LRRTM4: variants seen among roughly 807,000 people sequenced by gnomAD.
LRRTM4 encodes the protein leucine rich repeat transmembrane neuronal 4, also known as leucine-rich repeat transmembrane neuronal protein 4.
A neutral mutation model predicts 47.6 loss-of-function variants in LRRTM4; 25 were observed. That is an observed-to-expected ratio of 0.53 (90% CI 0.38 to 0.73). The LOEUF is 0.73. Ranked by LOEUF, LRRTM4 falls within the 30% of genes least tolerant of loss-of-function variation. LRRTM4 has a pLI of 0.00. For missense variants in LRRTM4, 638 were observed against 713.4 expected (o/e 0.89, Z 1.20); for synonymous variants, 311 against 269.5 (o/e 1.15, Z -1.51).
chr2:77,307,466 A>G (rs529702532), intron 3 of LRRTM4, among the ~76,000 whole-genome samples: 4 of 148,520 alleles, frequency 2.7e-5, no homozygotes, highest in East Asian at 2.0e-4. Context: ...TAATAATTCA[A>G]TGTTTATATA....
At chr2:77,394,264 G>T (rs1262389010) in intron 3 of LRRTM4, among the ~76,000 whole-genome samples, 4 of 151,876 alleles carry the variant, frequency 2.6e-5, no homozygotes, top group African/African-American at 9.7e-5. Flanking sequence ...CTTCCACTCA[G>T]GTTTTAATGC....
chr2:76,751,521 A>G (rs145162790), intron 3 of LRRTM4, among the ~76,000 whole-genome samples: 1 of 152,290 alleles, frequency 6.6e-6, no homozygotes, highest in East Asian at 1.9e-4. Context: ...AGAGAGAGCT[A>G]GGAACAGACT....
chr2:77,091,879 C>A (rs1374847832), intron 3 of LRRTM4, among the ~76,000 whole-genome samples: 1 of 141,702 alleles, frequency 7.1e-6, no homozygotes, highest in African/African-American at 2.9e-5. Context: ...AACCCAAGCA[C>A]CTTCTACAAA....
At chr2:77,477,512 TA>T (rs1677450190) in intron 3 of LRRTM4, among the ~76,000 whole-genome samples, 1 of 152,130 alleles carries the variant, frequency 6.6e-6, no homozygotes, top group Admixed American at 6.5e-5. Flanking sequence ...GTCATTGCTA[TA>T]TACTATTTGA....
intron 3 of LRRTM4, among the ~76,000 whole-genome samples, chr2:77,123,332 T>C (rs12233119): frequency 0.086 from 13,117 of 152,022 alleles, 1,323 homozygotes; most frequent in African/African-American, 0.23. Flanking sequence ...CCTATTGAAC[T>C]CCATTTAATT....
chr2:77,220,073 G>A (rs1330376256), intron 3 of LRRTM4, among the ~76,000 whole-genome samples: 2 of 152,126 alleles, frequency 1.3e-5, no homozygotes, highest in Admixed American at 6.5e-5. Flanking sequence ...TGCAACCACC[G>A]CTGCTGATAC....
chr2:77,469,853 T>A (rs1677118475), intron 3 of LRRTM4, among the ~76,000 whole-genome samples: 1 of 152,202 alleles, frequency 6.6e-6, no homozygotes, highest in African/African-American at 2.4e-5. Flanking sequence ...ATGACATTTT[T>A]ATACAGATCC....
At chr2:77,218,726 G>A (rs529120078) in intron 3 of LRRTM4, among the ~76,000 whole-genome samples, 1 of 152,230 alleles carries the variant, frequency 6.6e-6, no homozygotes, top group African/African-American at 2.4e-5. Flanking sequence ...ATCTAATGCT[G>A]CATATCCAGC....
chr2:77,361,303 ACT>A lies in LRRTM4; in HGVS notation c.1551+157013_1551+157014del, dbSNP rs144544233. ...TTTTGCCACTGGTAAAAGAAAACAA[ACT>A]CTGTGCATTATTCCATTCTTCCTTC... On this transcript the variant is annotated intron_variant, in intron 3 of 3. Transcript: ENST00000409884. Among the ~76,000 whole-genome samples, 394 of 151,798 alleles carry A rather than the reference ACT, an allele frequency of 2.6e-3. 2 individuals are homozygous for A. The highest frequency in any genetic ancestry group is 8.3e-3 in the African/African-American group (342 of 41,376).
chr2:76,989,151 CTCAATTGTTTT>C (rs1367204790), intron 3 of LRRTM4, among the ~76,000 whole-genome samples: 1 of 151,654 alleles, frequency 6.6e-6, no homozygotes, highest in Non-Finnish European at 1.5e-5. Flanking sequence ...TCCATTATTT[CTCAATTGTTTT>C]TCAATTGTTG....
chr2:77,357,993 T>C lies in LRRTM4; in HGVS notation c.1551+160325A>G, dbSNP rs114385252. Among the ~76,000 whole-genome samples, 280 of 152,308 alleles carry C rather than the reference T, an allele frequency of 1.8e-3. 1 individual carries two copies. The highest frequency in any genetic ancestry group is 6.4e-3 in the African/African-American group (268 of 41,578). On this transcript the variant is annotated intron_variant, in intron 3 of 3. Transcript: ENST00000409884. Reference sequence around the variant, plus strand: ...TTGGACAAAATTAGAATATAAACCATATATACTGGTTTAGAATCAGGGTTT... The same window carrying C: ...TTGGACAAAATTAGAATATAAACCACATATACTGGTTTAGAATCAGGGTTT...
At chr2:77,171,398 T>A (rs1280743722) in intron 3 of LRRTM4, among the ~76,000 whole-genome samples, 1 of 152,022 alleles carries the variant, frequency 6.6e-6, no homozygotes, top group East Asian at 1.9e-4. Flanking sequence ...TGCCTCAACC[T>A]CCCAAGTAGC....
rs1181952598 is a variant in LRRTM4, at chr2:77,136,390, A to G, written c.1551+381928T>C. The stretch of plus-strand genomic sequence containing the variant: ...AGGGTCTGGAGTGGACCTCCAGCAA[A>G]CTCCACCAGACCTGCATCTGAGGGT... On this transcript the variant is annotated intron_variant, in intron 3 of 3. Coordinates refer to ENST00000409884, the MANE Select transcript of LRRTM4 (RefSeq NM_001134745.3). Among the ~76,000 whole-genome samples the G allele has an allele frequency of 3.9e-5, 6 of 152,210 alleles. No homozygotes were observed. In the East Asian group the frequency reaches 1.2e-3, roughly 29 times the overall value.
At chr2:77,252,450 C>G (rs1395972528) in intron 3 of LRRTM4, among the ~76,000 whole-genome samples, 1 of 152,142 alleles carries the variant, frequency 6.6e-6, no homozygotes, top group Non-Finnish European at 1.5e-5. Flanking sequence ...AAAATGGAGA[C>G]AGAAGACCCA....
At chr2:77,392,896 A>G (rs895389617) in intron 3 of LRRTM4, among the ~76,000 whole-genome samples, 10 of 152,050 alleles carry the variant, frequency 6.6e-5, no homozygotes, top group African/African-American at 2.2e-4. Context: ...CACAAAAATT[A>G]TAAGTAGGGA....
intron 3 of LRRTM4, among the ~76,000 whole-genome samples, chr2:76,896,215 C>CACACACAA (rs1673412865): frequency 6.7e-6 from 1 of 149,528 alleles, no homozygotes; most frequent in Non-Finnish European, 1.5e-5. Context: ...CACACACAAA[C>CACACACAA]ACACACACAC....
intron 3 of LRRTM4, among the ~76,000 whole-genome samples, chr2:77,408,979 T>C (rs1486823628): frequency 6.6e-6 from 1 of 152,184 alleles, no homozygotes; most frequent in African/African-American, 2.4e-5. Context: ...CCAACTACTG[T>C]AGGGAAAAAT....
chr2:76,948,370 T>C (rs999332244), intron 3 of LRRTM4, among the ~76,000 whole-genome samples: 1 of 151,846 alleles, frequency 6.6e-6, no homozygotes, highest in Non-Finnish European at 1.5e-5. Flanking sequence ...TGAAGACAAA[T>C]GTCTTGCCTT....
intron 3 of LRRTM4, among the ~76,000 whole-genome samples, chr2:76,832,697 A>G (rs1270695120): frequency 6.6e-6 from 1 of 152,092 alleles, no homozygotes; most frequent in African/African-American, 2.4e-5. Context: ...CATGTTAACC[A>G]TAGCTTGTGG....
Sources: gnomAD v4.1 joint callset for allele counts (sites outside exome capture counted in the v4.1 genomes callset) on GRCh38, gnomAD v4.1.1 for gene constraint, MANE v1.5 for transcripts, NCBI Gene and HGNC (gene_info 2026-07-23, HGNC 2026-07-21) for gene names.